Variants in PRUNE2 observed in about 807,000 individuals in gnomAD.
PRUNE2 encodes protein prune homolog 2.
Under a neutral mutation model 252.0 loss-of-function variants are expected in PRUNE2, and 164 were observed. That is an observed-to-expected ratio of 0.65 (90% confidence interval 0.57 to 0.74). The LOEUF (loss-of-function observed/expected upper bound fraction) is 0.74, where lower values mean the gene tolerates loss of function less well. PRUNE2 is among the 30% of genes least tolerant of loss of function. PRUNE2 has a pLI of 0.00. For synonymous variants in PRUNE2, 1,292 were observed against 1,350.2 expected (o/e 0.96, Z 0.94); for missense variants, 3,495 against 3,711.0 (o/e 0.94, Z 1.51).
intron 18 of PRUNE2, among the ~76,000 whole-genome samples, chr9:76,617,368 C>G (rs1033211633): frequency 6.6e-6 from 1 of 152,152 alleles, no homozygotes; most frequent in Non-Finnish European, 1.5e-5. Flanking sequence ...TGTATTCATT[C>G]AACACTAGCT....
intron 1 of PRUNE2, among the ~76,000 whole-genome samples, chr9:76,886,188 TAAA>T (rs755268467): frequency 7.9e-6 from 1 of 126,794 alleles, no homozygotes. Flanking sequence ...CCGTCTAAAT[TAAA>T]AAAAAAAAAA....
intron 6 of PRUNE2, among the ~76,000 whole-genome samples, chr9:76,754,657 A>G (rs2050942078): frequency 6.6e-6 from 1 of 152,106 alleles, no homozygotes; most frequent in South Asian, 2.1e-4. Flanking sequence ...TTAGCTCTTA[A>G]AATTTCATTA....
chr9:76,705,020 C>A lies in PRUNE2; in HGVS notation c.7254G>T (p.Glu2418Asp). 6.2e-7 allele frequency: 1 copy of A among 1,613,986 alleles called. No homozygotes were observed. Among genetic ancestry groups the A allele is most frequent in the East Asian group, 2.2e-5 (1 of 44,878 alleles). The change falls in exon 8 of 19, where the codon GAG becomes GAT. Residue 2418 changes from glutamate (E) to aspartate (D), a missense_variant. Physicochemically the swap from Glu to Asp is conservative, Grantham distance 45. Transcript: ENST00000376718. ...AETIEEAGSPEDESLGCRAAE... is the reference protein window; with the variant it reads ...AETIEEAGSPDDESLGCRAAE... ...CTGCTCTGCATCCCAGAGATTCATCCTCTGGAGACCCAGCTTCCTCTATTG... is the reference window on the plus strand; with the variant it reads ...CTGCTCTGCATCCCAGAGATTCATCATCTGGAGACCCAGCTTCCTCTATTG...
chr9:76,622,903 A>G (rs1833004946), intron 17 of PRUNE2, among the ~76,000 whole-genome samples: 1 of 152,230 alleles, frequency 6.6e-6, no homozygotes, highest in South Asian at 2.1e-4. Context: ...TAAAGCAAAA[A>G]CCTATCCTTT....
Position 76,707,641 on chromosome 9 carries a change from C to T in PRUNE2, c.4633G>A (p.Ala1545Thr), listed in dbSNP as rs1191749220. 1.2e-6 allele frequency: 2 copies of T among 1,613,750 alleles called. No homozygotes were observed. Among genetic ancestry groups the T allele is most frequent in the African/African-American group, 2.7e-5 (2 of 74,922 alleles). The change falls in exon 8 of 19, where the codon GCA becomes ACA. Residue 1545 changes from alanine to threonine, a missense_variant. By Grantham distance (58) the Ala-to-Thr change is moderately conservative (BLOSUM62 0). Coordinates refer to ENST00000376718, the MANE Select transcript of PRUNE2 (RefSeq NM_015225.3). ...TISSEYTHSSASSPELNDSSV... is the reference protein window; with the variant it reads ...TISSEYTHSSTSSPELNDSSV... ...GAGTCATTTAACTCAGGACTTGATG[C>T]ACTTGAATGAGTATACTCACTAGAA...
chr9:76,891,467 G>A (rs1181370612), intron 1 of PRUNE2, among the ~76,000 whole-genome samples: 3 of 152,182 alleles, frequency 2.0e-5, no homozygotes, highest in South Asian at 4.1e-4. Context: ...AGTCTCCAGA[G>A]CCTGTTGGGC....
chr9:76,645,110 A>G, intron 11 of PRUNE2: 1 of 504,178 alleles, frequency 2.0e-6, no homozygotes, highest in Non-Finnish European at 3.5e-6. Context: ...TATAAAGTAC[A>G]CTCAATGAAG....
At chr9:76,770,249 T>C (rs1269485010) in intron 6 of PRUNE2, among the ~76,000 whole-genome samples, 2 of 152,180 alleles carry the variant, frequency 1.3e-5, no homozygotes, top group Non-Finnish European at 1.5e-5. Flanking sequence ...AATTAGAGTG[T>C]GTTTATTTTA....
chr9:76,704,150 C>G, intron 8 of PRUNE2, 51 bp from the exon 9 acceptor site: 3 of 1,297,792 alleles, frequency 2.3e-6, no homozygotes, highest in Non-Finnish European at 2.1e-6. Flanking sequence ...TTAATTAACA[C>G]ATTGTGTGAT....
At chr9:76,771,537 G>A (rs912683209) in intron 6 of PRUNE2, among the ~76,000 whole-genome samples, 1 of 152,190 alleles carries the variant, frequency 6.6e-6, no homozygotes, top group African/African-American at 2.4e-5. Context: ...TGAGTCGGGG[G>A]TCAGGGATTG....
chr9:76,702,221 C>G (rs114498981), intron 9 of PRUNE2, among the ~76,000 whole-genome samples: 4,292 of 152,052 alleles, frequency 0.028, 75 homozygotes, highest in African/African-American at 0.047. Context: ...ACCACCCCAG[C>G]TAAGTTTTGA....
intron 4 of PRUNE2, among the ~76,000 whole-genome samples, chr9:76,841,948 G>A (rs2059416120): frequency 6.6e-6 from 1 of 152,006 alleles, no homozygotes. Context: ...CCCCACCTGA[G>A]AAGAAAGCTA....
In PRUNE2 at chr9:76,705,883, A is replaced by C; in HGVS notation, c.6391T>G (p.Ser2131Ala). 1 of 1,613,776 alleles carries C rather than the reference A, an allele frequency of 6.2e-7. No individual in the cohort carries two copies. Among genetic ancestry groups the C allele is most frequent in the Non-Finnish European group, 8.5e-7 (1 of 1,179,856 alleles). Residue 2131 changes from serine to alanine, a missense_variant, in exon 8 of 19, where the codon TCC (serine) becomes GCC (alanine). By Grantham distance (99) the Ser-to-Ala change is moderately conservative. Transcript: ENST00000376718. ...GGCTCAGTGAGACAAAGCTCACTGG[A>C]TTCCACTTCAGGTCCCATGCAAGCA... ...LSACMGPEVE[S>A]SELCLTEPEI...
intron 12 of PRUNE2, among the ~76,000 whole-genome samples, chr9:76,640,453 G>A (rs562445605): frequency 3.3e-4 from 50 of 152,244 alleles, no homozygotes; most frequent in African/African-American, 8.9e-4. Context: ...GTGGTGATAC[G>A]GTGTTGTTGT....
At chr9:76,651,451 T>A (rs988048814) in intron 11 of PRUNE2, among the ~76,000 whole-genome samples, 2 of 152,196 alleles carry the variant, frequency 1.3e-5, no homozygotes, top group Admixed American at 1.3e-4. Context: ...GGCCACCACT[T>A]AATTGTGGCA....
chr9:76,860,681 T>G (rs73653233), intron 1 of PRUNE2, among the ~76,000 whole-genome samples: 6,722 of 152,248 alleles, frequency 0.044, 521 homozygotes, highest in African/African-American at 0.15. Flanking sequence ...TAAAAATATT[T>G]CAGACAAAAC....
chr9:76,641,290 A>T (rs920550595), intron 12 of PRUNE2, among the ~76,000 whole-genome samples: 2 of 152,190 alleles, frequency 1.3e-5, no homozygotes, highest in African/African-American at 4.8e-5. Flanking sequence ...AAGAGCAGGA[A>T]GAAAGTAGCA....
In PRUNE2 at chr9:76,751,661, T is replaced by C. The variant is rs116889766; in HGVS notation, c.757-37940A>G. 1.6e-3 allele frequency among the ~76,000 whole-genome samples: 238 copies of C among 152,280 alleles called. 1 individual carries two copies. The highest frequency in any genetic ancestry group is 3.0e-3 in the Non-Finnish European group (202 of 68,016). On this transcript the variant is annotated intron_variant, in intron 6 of 18. Transcript: ENST00000376718. ...GCTCTGTTTGGTTTGTTTAAATCAATATATTTGGAAAAAAACCTCTCACCG... is the reference window on the plus strand; with the variant it reads ...GCTCTGTTTGGTTTGTTTAAATCAACATATTTGGAAAAAAACCTCTCACCG...
intron 18 of PRUNE2, among the ~76,000 whole-genome samples, chr9:76,618,013 T>G (rs1036459411): frequency 5.3e-5 from 8 of 152,242 alleles, no homozygotes; most frequent in Admixed American, 3.3e-4. Flanking sequence ...CCAATTTCCT[T>G]GAAGCAATTG....
Sources: allele counts gnomAD v4.1 joint callset (sites outside exome capture counted in the v4.1 genomes callset), GRCh38; gene constraint gnomAD v4.1.1; transcripts MANE v1.5; gene names NCBI Gene and HGNC (gene_info 2026-07-23, HGNC 2026-07-21).